The following CFH variants were observed in gnomAD, a reference collection of about 807,000 sequenced individuals.
The protein encoded by CFH is complement factor H.
A neutral mutation model predicts 147.3 loss-of-function variants in CFH; 53 were observed. That is an observed-to-expected ratio of 0.36 (90% CI 0.29 to 0.45). The LOEUF is 0.45. CFH is among the 20% of genes least tolerant of loss of function. The probability of loss-of-function intolerance (pLI) is 1.00; values close to 1 mark genes in which losing one functional copy is unlikely to be tolerated. For synonymous variants in CFH, 536 were observed against 489.4 expected (o/e 1.10, Z -1.26); for missense variants, 1,380 against 1,498.0 (o/e 0.92, Z 1.30).
At chr1:196,652,233 G>T in intron 1 of CFH, 58 bp downstream of exon 1, 2 of 1,299,002 alleles carry the variant, frequency 1.5e-6, no homozygotes, top group Non-Finnish European at 2.2e-6. Flanking sequence ...TGCTAATGAT[G>T]CTTTTCACAG....
chr1:196,700,475 GA>G (rs1668417302), intron 9 of CFH, among the ~76,000 whole-genome samples: 1 of 151,922 alleles, frequency 6.6e-6, no homozygotes. Flanking sequence ...CCAACATGGT[GA>G]AACCCTGTCT....
chr1:196,685,345 A>C, intron 7 of CFH, 108 bp downstream of exon 7: 1 of 1,157,800 alleles, frequency 8.6e-7, no homozygotes. Context: ...TGTATATACA[A>C]AGTAAGGCTG....
intron 1 of CFH, among the ~76,000 whole-genome samples, chr1:196,666,524 C>T (rs1052551822): frequency 3.3e-5 from 5 of 151,810 alleles, no homozygotes; most frequent in African/African-American, 7.3e-5. Flanking sequence ...CGGTGGCTCA[C>T]GCCTGTAATC....
intron 9 of CFH, among the ~76,000 whole-genome samples, chr1:196,708,188 AT>A (rs1214025834): frequency 6.6e-6 from 1 of 152,180 alleles, no homozygotes; most frequent in African/African-American, 2.4e-5. Flanking sequence ...GTTTCAAGGT[AT>A]TGCCACTGGA....
chr1:196,674,449 T>C lies in CFH; in HGVS notation c.350+487T>C, dbSNP rs144599979. Among the ~76,000 whole-genome samples the C allele has an allele frequency of 2.6e-3, 401 of 152,290 alleles. 2 individuals carry two copies. The highest frequency in any genetic ancestry group is 0.013 in the East Asian group (67 of 5,178). Reference sequence around the variant, plus strand: ...CTGCAAATTATTCTTACCACATGGATTAAAAATACTACTCTTTCAGAATCA... The same window carrying C: ...CTGCAAATTATTCTTACCACATGGACTAAAAATACTACTCTTTCAGAATCA... On this transcript the variant is annotated intron_variant, in intron 3 of 21. Transcript: ENST00000367429.
chr1:196,726,737 AC>A, intron 13 of CFH, 23 bp from the exon 14 acceptor site: 1 of 1,612,802 alleles, frequency 6.2e-7, no homozygotes. Flanking sequence ...TTCACAATAA[AC>A]TTTTTTTGTA....
At chr1:196,733,774 T>G (rs1669335753) in intron 15 of CFH, among the ~76,000 whole-genome samples, 2 of 152,052 alleles carry the variant, frequency 1.3e-5, no homozygotes, top group Non-Finnish European at 2.9e-5. Context: ...TGTACCTGGA[T>G]GTATCACTGG....
At chr1:196,710,893 T>C (rs1668709966) in intron 9 of CFH, among the ~76,000 whole-genome samples, 1 of 152,118 alleles carries the variant, frequency 6.6e-6, no homozygotes, top group Admixed American at 6.6e-5. Context: ...AATTTATTAA[T>C]GCTACCTAAT....
chr1:196,700,241 T>A (rs1221473033), intron 9 of CFH, among the ~76,000 whole-genome samples: 1 of 152,186 alleles, frequency 6.6e-6, no homozygotes, highest in Non-Finnish European at 1.5e-5. Flanking sequence ...TCTTGAGAAT[T>A]CTTCTCATGT....
At chr1:196,682,690 A>C (rs912826233) in intron 6 of CFH, among the ~76,000 whole-genome samples, 1 of 151,598 alleles carries the variant, frequency 6.6e-6, no homozygotes, top group Non-Finnish European at 1.5e-5. Context: ...AAAAAGGAAT[A>C]CATTTAGGAC....
chr1:196,724,252 G>A (rs1190895642), intron 11 of CFH, among the ~76,000 whole-genome samples: 5 of 151,906 alleles, frequency 3.3e-5, no homozygotes, highest in African/African-American at 1.2e-4. Flanking sequence ...AGGTGACAGG[G>A]AATATTTGTG....
chr1:196,742,747 T>A (rs928830615), intron 19 of CFH, among the ~76,000 whole-genome samples: 1 of 152,168 alleles, frequency 6.6e-6, no homozygotes, highest in African/African-American at 2.4e-5. Context: ...CACTTCCGAG[T>A]GAGAAGCATT....
chr1:196,720,445 C>G (rs1198866587), intron 11 of CFH, among the ~76,000 whole-genome samples: 3 of 151,926 alleles, frequency 2.0e-5, no homozygotes, highest in African/African-American at 7.2e-5. Context: ...TATCCTGCCA[C>G]ATTTCTGAGT....
intron 1 of CFH, among the ~76,000 whole-genome samples, chr1:196,655,236 G>T (rs913734027): frequency 6.6e-6 from 1 of 152,156 alleles, no homozygotes; most frequent in Non-Finnish European, 1.5e-5. Context: ...ATAGAACAAA[G>T]TGATTCTGGA....
At chr1:196,699,820 A>G (rs1330804257) in intron 9 of CFH, among the ~76,000 whole-genome samples, 1 of 152,190 alleles carries the variant, frequency 6.6e-6, no homozygotes. Flanking sequence ...AAAAACAGTT[A>G]AGGAGGAAAA....
At chr1:196,723,663 G>A (rs1277431513) in intron 11 of CFH, among the ~76,000 whole-genome samples, 1 of 152,066 alleles carries the variant, frequency 6.6e-6, no homozygotes, top group East Asian at 1.9e-4. Flanking sequence ...GGTCTGAGGA[G>A]CTGGGGACAA....
chr1:196,742,818 C>T (rs576008344), intron 19 of CFH, among the ~76,000 whole-genome samples: 34 of 152,262 alleles, frequency 2.2e-4, no homozygotes, highest in African/African-American at 8.2e-4. Context: ...CATTGTTCAG[C>T]ATAATATCCT....
chr1:196,677,345 A>G (rs1667490588), intron 4 of CFH, 131 bp from the exon 5 acceptor site: 6 of 811,258 alleles, frequency 7.4e-6, no homozygotes, highest in South Asian at 6.6e-5. Context: ...AAACAGGTAT[A>G]TCAAATGCTT....
rs1320282574 is a variant in CFH, at chr1:196,670,669, A to G, written c.59-2309A>G. On this transcript the variant is annotated intron_variant, in intron 1 of 21. Coordinates refer to ENST00000367429, the MANE Select transcript of CFH (RefSeq NM_000186.4). The stretch of plus-strand genomic sequence containing the variant: ...GTCAATTATATCTCTTTTCTTTATA[A>G]ATTACCCAGTCTTGAGTATTTCTTC... Among the ~76,000 whole-genome samples, 4 of 152,072 alleles carry G rather than the reference A, an allele frequency of 2.6e-5. No individual in the cohort carries two copies. The East Asian group carries it at 7.7e-4, about 29-fold the overall frequency.
Sources: gnomAD v4.1 joint callset for allele counts (sites outside exome capture counted in the v4.1 genomes callset) on GRCh38, gnomAD v4.1.1 for gene constraint, MANE v1.5 for transcripts, NCBI Gene and HGNC (gene_info 2026-07-23, HGNC 2026-07-21) for gene names.